Variants in NALCN observed in about 807,000 individuals in gnomAD.
NALCN encodes the protein sodium leak channel, non-selective.
In NALCN, 111 loss-of-function variants were observed where a neutral mutation model predicts 225.3. The observed-to-expected ratio is 0.49, with a 90% CI of 0.42 to 0.58. The LOEUF is 0.58. Among genes scored for constraint, NALCN ranks in the 20% least tolerant of loss-of-function variants. The pLI is 0.00. For synonymous variants in NALCN, 764 were observed against 769.0 expected (o/e 0.99, Z 0.11); for missense variants, 1,378 against 2,202.4 (o/e 0.63, Z 7.49).
In NALCN at chr13:101,067,961, C is replaced by T; in HGVS notation, c.4403G>A (p.Arg1468His). The T allele has an allele frequency of 3.1e-6, 5 of 1,613,076 alleles. No homozygotes were observed. Among genetic ancestry groups the T allele is most frequent in the South Asian group, 1.1e-5 (1 of 90,780 alleles). ...EDQLLSYNDL[R>H]HFQIIWNMVD... is the part of the protein sequence containing the mutation. Reference sequence around the variant, plus strand: ...CATGTTCCATATTATTTGAAAGTGGCGAAGATCATTGTAACTTAAAAGCTG... The same window carrying T: ...CATGTTCCATATTATTTGAAAGTGGTGAAGATCATTGTAACTTAAAAGCTG... The change falls in exon 39 of 44, where the codon CGC becomes CAC. Residue 1468 changes from arginine to histidine, a missense_variant. Around this residue, in one of 19 missense-constraint regions of NALCN, gnomAD observed 16 missense variants for 66.7 expected, o/e 0.24. Coordinates refer to ENST00000251127, the MANE Select transcript of NALCN (RefSeq NM_052867.4).
chr13:101,120,175 G>A (rs918036478), intron 18 of NALCN, among the ~76,000 whole-genome samples: 3 of 152,090 alleles, frequency 2.0e-5, no homozygotes, highest in Non-Finnish European at 4.4e-5. Context: ...CTAGAATAAT[G>A]TGGATCCTGT....
chr13:101,192,120 T>A, intron 13 of NALCN, 66 bp from the exon 14 acceptor site: 2 of 1,533,264 alleles, frequency 1.3e-6, no homozygotes, highest in Non-Finnish European at 1.7e-6. Context: ...CAAATTAGCA[T>A]GTGATGTTTG....
intron 10 of NALCN, among the ~76,000 whole-genome samples, chr13:101,264,309 T>C (rs555426924): frequency 2.2e-4 from 33 of 152,258 alleles, no homozygotes; most frequent in Non-Finnish European, 4.4e-4. Context: ...TTAATTGCAA[T>C]GTCATTTTGG....
In NALCN at chr13:101,146,808, G is replaced by A. The variant is rs368777641; in HGVS notation, c.1840-1912C>T. Among the ~76,000 whole-genome samples the A allele has an allele frequency of 3.9e-5, 6 of 152,198 alleles. No individual in the cohort carries two copies. In the South Asian group the frequency reaches 8.3e-4, roughly 21 times the overall value. ...AATAAGTCACTGCACTCGCCCTCAC[G>A]GAGCCCACAGTATAACTGGGTAGAT... is the stretch of plus-strand genomic sequence containing the variant. On this transcript the variant is annotated intron_variant, in intron 15 of 43. Coordinates refer to ENST00000251127, the MANE Select transcript of NALCN (RefSeq NM_052867.4).
At chr13:101,257,488 T>C (rs899048734) in intron 11 of NALCN, among the ~76,000 whole-genome samples, 9 of 152,356 alleles carry the variant, frequency 5.9e-5, no homozygotes, top group Admixed American at 5.2e-4. Flanking sequence ...AATCAATTTT[T>C]AAATGTACTG....
chr13:101,054,104 C>CCAAGT lies in NALCN; in HGVS notation c.*1186_*1190dup, dbSNP rs2030906370. 6.6e-6 allele frequency: 1 copy of CCAAGT among 152,150 alleles called. No homozygotes were observed. Among genetic ancestry groups the CCAAGT allele is most frequent in the African/African-American group, 2.4e-5 (1 of 41,426 alleles). 9.4% of individuals were successfully genotyped at this position (152,150 alleles called of 1,614,324 possible). On this transcript the variant is annotated 3_prime_UTR_variant, in exon 44 of 44. Coordinates refer to ENST00000251127, the MANE Select transcript of NALCN (RefSeq NM_052867.4). ...AATCTGTAATAAAATAGTTAAAGGT[C>CCAAGT]CAAGTCAAGTCCACTTCTACTTGGC...
chr13:101,094,289 T>C (rs2034388948), intron 28 of NALCN, among the ~76,000 whole-genome samples: 1 of 151,470 alleles, frequency 6.6e-6, no homozygotes, highest in African/African-American at 2.4e-5. Flanking sequence ...GCCACAAGAG[T>C]CTCTCTTCTT....
intron 17 of NALCN, among the ~76,000 whole-genome samples, chr13:101,140,153 G>C (rs965989085): frequency 2.0e-5 from 3 of 152,164 alleles, no homozygotes; most frequent in Admixed American, 6.5e-5. Context: ...TGAAGAAAAA[G>C]TATGTTTTTG....
intron 10 of NALCN, among the ~76,000 whole-genome samples, chr13:101,272,103 G>A (rs1340862184): frequency 6.6e-6 from 1 of 151,958 alleles, no homozygotes; most frequent in African/African-American, 2.4e-5. Flanking sequence ...GTGTGCATGT[G>A]TGTGTCTGTG....
chr13:101,363,980 T>C (rs2046316983), intron 6 of NALCN, among the ~76,000 whole-genome samples: 1 of 152,072 alleles, frequency 6.6e-6, no homozygotes, highest in Admixed American at 6.6e-5. Context: ...TATATAAAAA[T>C]GGTTAACATC....
intron 28 of NALCN, among the ~76,000 whole-genome samples, chr13:101,092,735 G>T (rs893446406): frequency 1.3e-5 from 2 of 152,038 alleles, no homozygotes; most frequent in African/African-American, 4.8e-5. Context: ...CTTTTGTACA[G>T]GCCCTTCTGA....
chr13:101,343,197 G>T (rs571472586), intron 7 of NALCN, among the ~76,000 whole-genome samples: 1 of 152,170 alleles, frequency 6.6e-6, no homozygotes, highest in South Asian at 2.1e-4. Context: ...TATCTACAGA[G>T]ATACATAATA....
intron 7 of NALCN, among the ~76,000 whole-genome samples, chr13:101,310,575 C>T (rs868078470): frequency 3.0e-4 from 45 of 152,166 alleles, no homozygotes; most frequent in African/African-American, 7.9e-4. Flanking sequence ...GTCTGCTTTC[C>T]TTTTCTCCTT....
Position 101,143,199 on chromosome 13 carries a change from T to C in NALCN, c.1999A>G (p.Ile667Val). ...KIRESFMKQF[I>V]DRQQQDTCCL... ...CATGTGTCCTGTTGCTGGCGGTCAA[T>C]AAACTGCTTCATAAAACTCTCCCTT... Residue 667 changes from isoleucine (I) to valine (V), a missense_variant, in exon 17 of 44, where the codon ATT (isoleucine) becomes GTT (valine). Transcript: ENST00000251127. 3.1e-6 allele frequency: 5 copies of C among 1,610,628 alleles called. No homozygotes were observed. The highest frequency in any genetic ancestry group is 4.2e-6 in the Non-Finnish European group (5 of 1,178,450).
intron 19 of NALCN, among the ~76,000 whole-genome samples, 185 bp downstream of exon 19, chr13:101,110,940 A>AT (rs1175712383): frequency 2.6e-5 from 4 of 152,110 alleles, no homozygotes; most frequent in African/African-American, 7.2e-5. Context: ...TGAAGTAGAG[A>AT]TTTTTTTGAA....
chr13:101,081,506 C>A lies in NALCN; in HGVS notation c.3885+21G>T, dbSNP rs781464880. On this transcript the variant is annotated intron_variant, in intron 34 of 43. Coordinates refer to ENST00000251127, the MANE Select transcript of NALCN (RefSeq NM_052867.4). ...CCAAACTGAAATAATCAGCTGAAAT[C>A]AACTTGACTTCTATGCTTACCAGGA... is the stretch of plus-strand genomic sequence containing the variant. 1.5e-5 allele frequency: 24 copies of A among 1,613,312 alleles called. 1 individual carries two copies. The South Asian group carries it at 2.2e-4, about 15-fold the overall frequency.
Position 101,100,780 on chromosome 13 carries a change from T to C in NALCN, c.3162+4A>G, listed in dbSNP as rs756175057. 9 of 1,603,554 alleles carry C rather than the reference T, an allele frequency of 5.6e-6. No homozygotes were observed. In the Admixed American group the frequency reaches 1.5e-4, roughly 27 times the overall value. On this transcript the variant is annotated splice_donor_region_variant and intron_variant, in intron 27 of 43. Coordinates refer to ENST00000251127, the MANE Select transcript of NALCN (RefSeq NM_052867.4). ...ATTTCAAAAGACAGAAAGATACATC[T>C]TACCCTTCTAATAATGTTGGGATCA... is the stretch of plus-strand genomic sequence containing the variant.
In NALCN at chr13:101,083,117, G is replaced by C; in HGVS notation, c.3665C>G (p.Ala1222Gly). The change falls in exon 32 of 44, where the codon GCC (alanine) becomes GGC (glycine). Residue 1222 changes from alanine (A) to glycine (G), a missense_variant. Physicochemically the swap from Ala to Gly is moderately conservative, Grantham distance 60. Coordinates refer to ENST00000251127, the MANE Select transcript of NALCN (RefSeq NM_052867.4). ...CTTGACAGAGAGCAACACCGACTGGGCCAGGACGAGTAATGCGATTGTCCT... is the reference window on the plus strand; with the variant it reads ...CTTGACAGAGAGCAACACCGACTGGCCCAGGACGAGTAATGCGATTGTCCT... ...FKRTIALLVL[A>G]QSVLLSVKWD... The C allele has an allele frequency of 6.2e-7, 1 of 1,614,088 alleles. No homozygotes were observed. Among genetic ancestry groups the C allele is most frequent in the Non-Finnish European group, 8.5e-7 (1 of 1,179,990 alleles).
At position 101,081,582 on chromosome 13, in the gene NALCN, T is replaced by G; in HGVS notation, c.3830A>C (p.Asp1277Ala). ...GFWQSRRNRY[D>A]LLVTSLGVVW... ...AACGCCAAGCGACGTCACCAGGAGA[T>G]CGTATCGGTTTCTTCTGCTTTGCCA... Residue 1277 changes from aspartate (D) to alanine (A), a missense_variant, in exon 34 of 44, where the codon GAT becomes GCT. By Grantham distance (126) the Asp-to-Ala change is moderately radical (BLOSUM62 -2). Coordinates refer to ENST00000251127, the MANE Select transcript of NALCN (RefSeq NM_052867.4). 2 of 1,614,072 alleles carry G rather than the reference T, an allele frequency of 1.2e-6. No homozygotes were observed. The highest frequency in any genetic ancestry group is 1.7e-6 in the Non-Finnish European group (2 of 1,179,984).
Sources: allele counts gnomAD v4.1 joint callset (sites outside exome capture counted in the v4.1 genomes callset), GRCh38; gene constraint gnomAD v4.1.1; regional missense constraint gnomAD v4.1.1; transcripts MANE v1.5; gene names NCBI Gene and HGNC (gene_info 2026-07-23, HGNC 2026-07-21).